Variants in KIF17 observed in about 807,000 individuals in gnomAD.
KIF17 encodes kinesin family member 17, also known as kinesin-like protein KIF17.
In KIF17, 80 loss-of-function variants were observed where a neutral mutation model predicts 96.8. That is an observed-to-expected ratio of 0.83 (90% confidence interval 0.69 to 1.00). The LOEUF is 1.00. KIF17 is among the 50% of genes least tolerant of loss of function. KIF17 has a pLI of 0.00. For missense variants in KIF17, 1,280 were observed against 1,372.9 expected, an observed-to-expected ratio of 0.93 and a Z score of 1.07; for synonymous variants, 567 against 587.5, an observed-to-expected ratio of 0.97 and a Z score of 0.51.
At chr1:20,706,566 G>C (rs773196977) in intron 4 of KIF17, among the ~76,000 whole-genome samples, 1 of 149,708 alleles carries the variant, frequency 6.7e-6, no homozygotes, top group Non-Finnish European at 1.5e-5. Context: ...ACTTCAGCCT[G>C]GGCGACAGAG....
At position 20,684,192 on chromosome 1, in the gene KIF17, G is replaced by A. The variant is rs149780236; in HGVS notation, c.2231+617C>T. On this transcript the variant is annotated intron_variant, in intron 10 of 14. Transcript: ENST00000400463. ...ACCCTCTTGGCCCTGCCTGTCCTCC[G>A]CCCTGGCCTGTGGGCCCTTGGGGCT... Among the ~76,000 whole-genome samples, 152 of 152,338 alleles carry A rather than the reference G, an allele frequency of 1.0e-3. 1 individual carries two copies. Among genetic ancestry groups the A allele is most frequent in the African/African-American group, 3.2e-3 (131 of 41,568 alleles).
At chr1:20,666,653 C>G (rs1217311333) in intron 13 of KIF17, among the ~76,000 whole-genome samples, 1 of 152,148 alleles carries the variant, frequency 6.6e-6, no homozygotes, top group Non-Finnish European at 1.5e-5. Context: ...AACAGGGGGG[C>G]CGGGTTGATA....
intron 4 of KIF17, among the ~76,000 whole-genome samples, chr1:20,705,868 G>A (rs1005963578): frequency 1.5e-5 from 2 of 134,548 alleles, no homozygotes; most frequent in Non-Finnish European, 3.1e-5. Context: ...GTAGGCCTCA[G>A]TCTATAATCC....
chr1:20,674,769 T>C (rs530205625), intron 11 of KIF17, among the ~76,000 whole-genome samples: 67 of 152,296 alleles, frequency 4.4e-4, no homozygotes, highest in Non-Finnish European at 7.3e-4. Context: ...ACATTATTCA[T>C]TGGCATGTGA....
rs1029415265 is a variant in KIF17, at chr1:20,682,939, G to A, written c.2232-55C>T. On this transcript the variant is annotated intron_variant, in intron 10 of 14. Transcript: ENST00000400463. ...ACAATATCTGCCCATCACCGAGCAC[G>A]TGCCATCCAGCAGGCTCCAGGCTAT... The A allele has an allele frequency of 7.6e-5, 113 of 1,496,368 alleles. 1 individual carries two copies. Among genetic ancestry groups the A allele is most frequent in the Non-Finnish European group, 9.4e-5 (102 of 1,087,100 alleles). 92.7% of individuals were successfully genotyped at this position (1,496,368 alleles called of 1,614,324 possible).
chr1:20,713,362 C>T (rs2054516086), intron 3 of KIF17, 92 bp downstream of exon 3: 4 of 977,094 alleles, frequency 4.1e-6, no homozygotes, highest in Admixed American at 3.7e-5. Context: ...TGCCGGCACC[C>T]TCAGGACACT....
intron 11 of KIF17, among the ~76,000 whole-genome samples, chr1:20,677,250 C>G (rs953526734): frequency 2.6e-5 from 4 of 152,186 alleles, no homozygotes; most frequent in Admixed American, 6.5e-5. Context: ...TAAATATACT[C>G]TGTTGGTGAG....
Position 20,672,043 on chromosome 1 carries a change from T to C in KIF17, c.2617A>G (p.Asn873Asp). 3 of 1,614,170 alleles carry C rather than the reference T, an allele frequency of 1.9e-6. No individual in the cohort carries two copies. The highest frequency in any genetic ancestry group is 2.2e-5 in the South Asian group (2 of 91,088). The change falls in exon 12 of 15, where the codon AAC becomes GAC. Residue 873 changes from asparagine to aspartate, a missense_variant. Asn to Asp is a conservative substitution (Grantham distance 23, BLOSUM62 1). Coordinates refer to ENST00000400463, the MANE Select transcript of KIF17 (RefSeq NM_001122819.3). The surrounding 1 kb of genome is among the most constrained non-coding windows in gnomAD (Gnocchi z 4.3). ...QVQPLIRRDC[N>D]YSNLEKILRE... is the part of the protein sequence containing the mutation. ...AGAATCTTCTCCAGGTTGCTGTAGT[T>C]ACAGTCCCTGCGAATCAGGGGCTGC... is the stretch of plus-strand genomic sequence containing the variant.
chr1:20,712,608 A>ATATAAAATTATATTATATC (rs2054465953), intron 3 of KIF17, among the ~76,000 whole-genome samples: 1 of 20,798 alleles, frequency 4.8e-5, no homozygotes, highest in Non-Finnish European at 1.6e-4. Flanking sequence ...ATATATCTAT[A>ATATAAAATTATATTATATC]TATATATAAT....
chr1:20,666,766 T>C (rs1019833806), intron 13 of KIF17, among the ~76,000 whole-genome samples: 6 of 152,228 alleles, frequency 3.9e-5, no homozygotes, highest in Non-Finnish European at 7.3e-5. Flanking sequence ...AATCCAAACC[T>C]TCTTATCACC....
At position 20,717,464 on chromosome 1, in the gene KIF17, G is replaced by A. The variant is rs1434629946; in HGVS notation, c.231+12C>T. On this transcript the variant is annotated intron_variant, in intron 1 of 14. Transcript: ENST00000400463. ...CCTGCCGCCTGCAGGGCGGCCTGCC[G>A]GGCGCCCTCACCTCCACCAGCGGAT... is the stretch of plus-strand genomic sequence containing the variant. The A allele has an allele frequency of 1.9e-6, 3 of 1,609,828 alleles. No homozygotes were observed. Among genetic ancestry groups the A allele is most frequent in the South Asian group, 2.2e-5 (2 of 91,070 alleles).
Position 20,712,652 on chromosome 1 carries a change from AT to A in KIF17, c.480+801del, listed in dbSNP as rs1188107574. 4.0e-4 allele frequency among the ~76,000 whole-genome samples: 33 copies of A among 81,712 alleles called. 2 individuals are homozygous for A. The highest frequency in any genetic ancestry group is 2.0e-3 in the African/African-American group (33 of 16,176). 53.6% of individuals were successfully genotyped at this position (81,712 alleles called of 152,430 possible). On this transcript the variant is annotated intron_variant, in intron 3 of 14. Transcript: ENST00000400463. ...TATCTATATATATAATATAGATAAT[AT>A]TATCTATATATAATATAGATAATAT...
chr1:20,701,977 A>G (rs1014817275), intron 5 of KIF17, among the ~76,000 whole-genome samples: 4 of 152,206 alleles, frequency 2.6e-5, no homozygotes, highest in African/African-American at 9.6e-5. Context: ...AAGTGAGTCC[A>G]GGGAGGGGCA....
chr1:20,675,257 C>T (rs906533407), intron 11 of KIF17, among the ~76,000 whole-genome samples: 4 of 151,084 alleles, frequency 2.6e-5, no homozygotes, highest in Non-Finnish European at 1.5e-5. Context: ...ACCATCCTGG[C>T]TAACACAATG....
chr1:20,714,185 G>C (rs1010356866), intron 2 of KIF17, among the ~76,000 whole-genome samples: 1 of 152,208 alleles, frequency 6.6e-6, no homozygotes, highest in African/African-American at 2.4e-5. Flanking sequence ...AAATTAGCCA[G>C]GCATGGTGGT....
At chr1:20,683,971 T>C (rs1364316360) in intron 10 of KIF17, among the ~76,000 whole-genome samples, 1 of 152,228 alleles carries the variant, frequency 6.6e-6, no homozygotes, top group Non-Finnish European at 1.5e-5. Flanking sequence ...ATGTGCCAAG[T>C]GTTTACTGCG....
In KIF17 at chr1:20,685,752, T is replaced by C. The variant is rs1400064508; in HGVS notation, c.2019+294A>G. 1.3e-5 allele frequency among the ~76,000 whole-genome samples: 2 copies of C among 152,182 alleles called. No individual in the cohort carries two copies. The highest frequency in any genetic ancestry group is 2.9e-5 in the Non-Finnish European group (2 of 68,014). Reference sequence around the variant, plus strand: ...CACCAGCCCTGACCTGCAGCCCTCGTCCTTTGCACACACTGGGCCTCAATT... The same window carrying C: ...CACCAGCCCTGACCTGCAGCCCTCGCCCTTTGCACACACTGGGCCTCAATT... On this transcript the variant is annotated intron_variant, in intron 9 of 14. Transcript: ENST00000400463. The surrounding 1 kb of genome is among the most constrained non-coding windows in gnomAD (Gnocchi z 4.1).
rs1385187567 is a variant in KIF17 at position 20,717,517 on chromosome 1, T to C, written c.190A>G (p.Thr64Ala). ...FDGAYHVDHV[T>A]EQIYNEIAYP... The stretch of plus-strand genomic sequence containing the variant: ...GCGATCTCGTTGTAGATCTGCTCGG[T>C]GACGTGGTCCACGTGGTAGGCGCCG... The change falls in exon 1 of 15, where the codon ACC (threonine) becomes GCC (alanine). Residue 64 changes from threonine to alanine, a missense_variant. By Grantham distance (58) the Thr-to-Ala change is moderately conservative. Coordinates refer to ENST00000400463, the MANE Select transcript of KIF17 (RefSeq NM_001122819.3). 2.5e-6 allele frequency: 4 copies of C among 1,611,760 alleles called. No individual in the cohort carries two copies. In the Admixed American group the frequency reaches 6.7e-5, roughly 27 times the overall value.
intron 1 of KIF17, among the ~76,000 whole-genome samples, chr1:20,716,165 T>C (rs1473793136): frequency 4.6e-5 from 7 of 151,000 alleles, no homozygotes; most frequent in Non-Finnish European, 8.8e-5. Flanking sequence ...GGAGAATTTA[T>C]TGAACCCAGG....
Sources: allele counts gnomAD v4.1 joint callset (sites outside exome capture counted in the v4.1 genomes callset), GRCh38; gene constraint gnomAD v4.1.1; non-coding constraint Gnocchi (gnomAD v3.1); transcripts MANE v1.5; gene names NCBI Gene and HGNC (gene_info 2026-07-23, HGNC 2026-07-21).